Variants in PDHA1 observed in about 807,000 individuals in gnomAD.
PDHA1 encodes pyruvate dehydrogenase E1 component subunit alpha, somatic form, mitochondrial.
A neutral mutation model predicts 33.0 loss-of-function variants in PDHA1; 1 was observed. That is an observed-to-expected ratio of 0.03 (90% confidence interval 0.01 to 0.14). PDHA1 has a LOEUF of 0.14. Among genes scored for constraint, PDHA1 ranks in the 10% least tolerant of loss-of-function variants. The pLI is 1.00. For missense variants in PDHA1, 168 were observed against 325.1 expected (o/e 0.52, Z 3.72); for synonymous variants, 123 against 119.2 (o/e 1.03, Z -0.21).
chrX:19,354,226 C>T (rs766381816), intron 5 of PDHA1, among the ~76,000 whole-genome samples: 1 of 112,573 alleles, frequency 8.9e-6, no homozygotes, highest in East Asian at 2.8e-4. Flanking sequence ...CCACCACGCC[C>T]GGCCAGGTTT....
Position 19,360,722 on chromosome X carries a change from ACT to A in PDHA1, c.*1072_*1073del, listed in dbSNP as rs762592504. The stretch of plus-strand genomic sequence containing the variant: ...AACAAAACATGTAGCGTGGTGGGAC[ACT>A]CTGCCACAGCTTAGCTGATTGGTAT... On this transcript the variant is annotated 3_prime_UTR_variant, in exon 11 of 11. Coordinates refer to ENST00000422285, the MANE Select transcript of PDHA1 (RefSeq NM_000284.4). 19 of 1,132,438 alleles carry A rather than the reference ACT, an allele frequency of 1.7e-5. No individual in the cohort carries two copies. The highest frequency in any genetic ancestry group is 3.6e-5 in the African/African-American group (2 of 56,062). The allele number at this position is 1,132,438 out of a possible 1,213,427, so 93.3% of individuals were successfully genotyped here. A position where few individuals can be genotyped will look rare whatever the true frequency, so the allele number is the denominator to read the frequency against.
At chrX:19,351,795 G>GTTTTTTTTTTT (rs780357581) in intron 4 of PDHA1, among the ~76,000 whole-genome samples, 1 of 74,388 alleles carries the variant, frequency 1.3e-5, no homozygotes, top group African/African-American at 6.6e-5. Context: ...TGTTTTGGTG[G>GTTTTTTTTTTT]TTTTTTTTTT....
At position 19,344,111 on chromosome X, in the gene PDHA1, G is replaced by A. The variant is rs1360802445; in HGVS notation, c.57+17G>A. 8 of 1,180,100 alleles carry A rather than the reference G, an allele frequency of 6.8e-6. No homozygotes were observed. The highest frequency in any genetic ancestry group is 8.0e-6 in the Non-Finnish European group (7 of 872,887). On this transcript the variant is annotated intron_variant, in intron 1 of 10. Transcript: ENST00000422285. ...CAGAAGCCGGTGAGACCTCCCGGGC[G>A]GGCCGGGATGGGGCGCGAGTGGGGC...
chrX:19,345,571 TTAAAA>T (rs2063125700), intron 1 of PDHA1, among the ~76,000 whole-genome samples: 1 of 62,791 alleles, frequency 1.6e-5, no homozygotes. Flanking sequence ...ACTCCGTATT[TTAAAA>T]AAAAAAAAAA....
At position 19,360,945 on chromosome X, in the gene PDHA1, T is replaced by C. The variant is rs1414264580; in HGVS notation, c.*1292T>C. On this transcript the variant is annotated 3_prime_UTR_variant, in exon 11 of 11. Transcript: ENST00000422285. ...AAAATAAAAACATTCTCCTCACATA[T>C]GGAGGTGACGCTCGTGTCCCAGCAG... 2 of 539,400 alleles carry C rather than the reference T, an allele frequency of 3.7e-6. No individual in the cohort carries two copies. The highest frequency in any genetic ancestry group is 4.6e-5 in the African/African-American group (2 of 43,214). The allele number at this position is 539,400 out of a possible 1,213,427, so 44.5% of individuals were successfully genotyped here. A position where few individuals can be genotyped will look rare whatever the true frequency, so the allele number is the denominator to read the frequency against.
rs759522365 is a variant in PDHA1 at position 19,356,237 on chromosome X, T to G, written c.831+480T>G. Among the ~76,000 whole-genome samples the G allele has an allele frequency of 1.9e-4, 21 of 111,674 alleles. 1 individual carries two copies. In the South Asian group the frequency reaches 4.5e-3, roughly 24 times the overall value. ...TCTTTCCCTTTTCAGTGTATGGCAG[T>G]GAGGGAGATGGTAAGAGGGAGACTG... On this transcript the variant is annotated intron_variant, in intron 8 of 10. Coordinates refer to ENST00000422285, the MANE Select transcript of PDHA1 (RefSeq NM_000284.4).
At chrX:19,354,632 T>G (rs2063183289) in intron 6 of PDHA1, 49 bp downstream of exon 6, 2 of 777,936 alleles carry the variant, frequency 2.6e-6, no homozygotes, top group Non-Finnish European at 4.0e-6. Context: ...TTCAAAGTCT[T>G]TAATATTTAC....
At chrX:19,352,063 T>C (rs2063166878) in intron 4 of PDHA1, among the ~76,000 whole-genome samples, 1 of 109,700 alleles carries the variant, frequency 9.1e-6, no homozygotes, top group South Asian at 3.9e-4. Flanking sequence ...CCTCCCAAAG[T>C]GTGCTGGGGT....
chrX:19,360,266 T>TGAA lies in PDHA1; in HGVS notation c.*615_*617dup, dbSNP rs1426496496. The TGAA allele has an allele frequency of 7.4e-6, 1 of 135,902 alleles. No individual in the cohort carries two copies. The highest frequency in any genetic ancestry group is 3.2e-5 in the African/African-American group (1 of 31,297). 11.2% of individuals were successfully genotyped at this position (135,902 alleles called of 1,213,427 possible). ...CGTATCAGTTTTGTGTTTCTCAAAT[T>TGAA]GAAGTACCATACCAGTTCTGAGGCA... On this transcript the variant is annotated 3_prime_UTR_variant, in exon 11 of 11. Coordinates refer to ENST00000422285, the MANE Select transcript of PDHA1 (RefSeq NM_000284.4).
chrX:19,352,103 T>A (rs1476985377), intron 4 of PDHA1, among the ~76,000 whole-genome samples: 3 of 110,366 alleles, frequency 2.7e-5, no homozygotes, highest in Non-Finnish European at 5.7e-5. Flanking sequence ...ACCTGGCCTG[T>A]TTTGTTTTTT....
Position 19,344,002 on chromosome X carries a change from G to A in PDHA1, c.-36G>A. ...GCACCCGCGTCGTGCCTCCTGGGTTGTGAGGAGTCGCCGCTGCCGCCACTG... is the reference window on the plus strand; with the variant it reads ...GCACCCGCGTCGTGCCTCCTGGGTTATGAGGAGTCGCCGCTGCCGCCACTG... On this transcript the variant is annotated 5_prime_UTR_variant, in exon 1 of 11. It adds an upstream start codon to the 5' untranslated region. Transcript: ENST00000422285. The A allele has an allele frequency of 8.4e-7, 1 of 1,193,986 alleles. No homozygotes were observed. Among genetic ancestry groups the A allele is most frequent in the Non-Finnish European group, 1.1e-6 (1 of 881,872 alleles).
In PDHA1 at chrX:19,355,672, C is replaced by T. The variant is rs773312635; in HGVS notation, c.760-14C>T. The stretch of plus-strand genomic sequence containing the variant: ...GTTGGATTCATGCTTCGCCCCTCCC[C>T]TGTTTATTACCAGGTGGATGGAATG... On this transcript the variant is annotated splice_polypyrimidine_tract_variant and intron_variant, in intron 7 of 10. Coordinates refer to ENST00000422285, the MANE Select transcript of PDHA1 (RefSeq NM_000284.4). The T allele has an allele frequency of 1.6e-5, 19 of 1,195,690 alleles. No individual in the cohort carries two copies. The highest frequency in any genetic ancestry group is 2.3e-4 in the Middle Eastern group (1 of 4,316).
In PDHA1 at chrX:19,361,052, G is replaced by A. The variant is rs1247776139; in HGVS notation, c.*1399G>A. 2.4e-5 allele frequency: 10 copies of A among 418,250 alleles called. No individual in the cohort carries two copies. Among genetic ancestry groups the A allele is most frequent in the Non-Finnish European group, 4.1e-5 (10 of 243,925 alleles). 34.5% of individuals were successfully genotyped at this position (418,250 alleles called of 1,213,427 possible). ...CTCGGGAACAAGAAGGCAGGCTGCA[G>A]TTTAAAGAAGGGGGTGGGTCCAGCG... is the stretch of plus-strand genomic sequence containing the variant. On this transcript the variant is annotated 3_prime_UTR_variant, in exon 11 of 11. Transcript: ENST00000422285.
intron 5 of PDHA1, among the ~76,000 whole-genome samples, chrX:19,354,202 A>G (rs371603879): frequency 8.9e-6 from 1 of 112,633 alleles, no homozygotes; most frequent in Non-Finnish European, 1.9e-5. Flanking sequence ...AAGTGCTGGG[A>G]TTACAGGCGT....
At chrX:19,357,159 G>A (rs748376094) in intron 8 of PDHA1, among the ~76,000 whole-genome samples, 6 of 112,208 alleles carry the variant, frequency 5.3e-5, no homozygotes, top group East Asian at 5.6e-4. Context: ...ACAGGGTCTC[G>A]CGCAGTGGCA....
In PDHA1 at chrX:19,359,651, TAAGGGGAGGAG is replaced by T. The variant is rs764728647; in HGVS notation, c.*3_*13del. On this transcript the variant is annotated stop_retained_variant and 3_prime_UTR_variant, in exon 11 of 11. Coordinates refer to ENST00000422285, the MANE Select transcript of PDHA1 (RefSeq NM_000284.4). ...GTGGATCAAGTTTAAGTCAGTCAGT[TAAGGGGAGGAG>T]AAGGAGAGGTTATACCTTCAGGGGG... The T allele has an allele frequency of 5.1e-5, 61 of 1,205,773 alleles. No homozygotes were observed. Among genetic ancestry groups the T allele is most frequent in the Admixed American group, 4.4e-5 (2 of 45,559 alleles).
intron 4 of PDHA1, chrX:19,352,744 T>C: frequency 3.4e-6 from 1 of 294,701 alleles, no homozygotes; most frequent in Admixed American, 4.9e-5. Context: ...TCAAACCCTG[T>C]TCAAGGATTG....
Position 19,343,975 on chromosome X carries a change from G to C in PDHA1, c.-63G>C. On this transcript the variant is annotated 5_prime_UTR_variant, in exon 1 of 11. Transcript: ENST00000422285. ...GCTGGGGCACCTGAAGGAGACTTGG[G>C]GGCACCCGCGTCGTGCCTCCTGGGT... The C allele has an allele frequency of 9.4e-7, 1 of 1,065,669 alleles. No individual in the cohort carries two copies. The highest frequency in any genetic ancestry group is 1.9e-5 in the South Asian group (1 of 52,820). The allele number at this position is 1,065,669 out of a possible 1,213,427, so 87.8% of individuals were successfully genotyped here. A position where few individuals can be genotyped will look rare whatever the true frequency, so the allele number is the denominator to read the frequency against.
rs760297711 is a variant in PDHA1 at position 19,361,527 on chromosome X, C to G, written c.*1874C>G. 8.3e-7 allele frequency: 1 copy of G among 1,211,307 alleles called. No individual in the cohort carries two copies. The highest frequency in any genetic ancestry group is 1.1e-6 in the Non-Finnish European group (1 of 894,956). ...TGTCTTTGCATCAGCTCCTTGCAGC[C>G]GCAACCAGTCTATAAGCTCTTTATC... is the stretch of plus-strand genomic sequence containing the variant. On this transcript the variant is annotated 3_prime_UTR_variant, in exon 11 of 11. Coordinates refer to ENST00000422285, the MANE Select transcript of PDHA1 (RefSeq NM_000284.4).
Sources: allele counts gnomAD v4.1 joint callset (sites outside exome capture counted in the v4.1 genomes callset), GRCh38; gene constraint gnomAD v4.1.1; transcripts MANE v1.5; gene names NCBI Gene and HGNC (gene_info 2026-07-23, HGNC 2026-07-21).